Variants in RALA observed in about 807,000 individuals in gnomAD.
RALA encodes RAS like proto-oncogene A.
RALA carries 5 observed loss-of-function variants against 24.0 expected under a neutral mutation model. The ratio of observed to expected loss-of-function variants is 0.21; its 90% confidence interval spans 0.11 to 0.44. The LOEUF is 0.44. RALA is among the 20% of genes least tolerant of loss of function. The pLI is 0.99. For synonymous variants in RALA, 77 were observed against 83.8 expected (o/e 0.92, Z 0.44); for missense variants, 95 against 241.2 (o/e 0.39, Z 4.01).
chr7:39,659,814 C>G (rs1395812728), intron 1 of RALA, among the ~76,000 whole-genome samples: 2 of 152,160 alleles, frequency 1.3e-5, no homozygotes, highest in Non-Finnish European at 2.9e-5. Flanking sequence ...AGCGTGTTCT[C>G]TCTAATTTGC....
At chr7:39,648,895 C>CA (rs1266013069) in intron 1 of RALA, among the ~76,000 whole-genome samples, 4 of 152,006 alleles carry the variant, frequency 2.6e-5, no homozygotes, top group Admixed American at 6.6e-5. Context: ...CCAGTATCTA[C>CA]AAAAAATACA....
chr7:39,668,525 G>A (rs948531068), intron 1 of RALA, among the ~76,000 whole-genome samples: 4 of 152,110 alleles, frequency 2.6e-5, no homozygotes, highest in Non-Finnish European at 5.9e-5. Flanking sequence ...AAGGCTGGGC[G>A]CAGTGACTCA....
intron 1 of RALA, among the ~76,000 whole-genome samples, chr7:39,635,147 C>T (rs1219772091): frequency 6.6e-6 from 1 of 152,042 alleles, no homozygotes; most frequent in East Asian, 1.9e-4. Context: ...TCCAGGAGTT[C>T]AACATGGCAA....
At chr7:39,684,870 T>A (rs557416106) in intron 1 of RALA, among the ~76,000 whole-genome samples, 19 of 152,326 alleles carry the variant, frequency 1.2e-4, no homozygotes, top group Non-Finnish European at 2.2e-4. Flanking sequence ...CTGCAAACAT[T>A]TGTGTATTCA....
intron 1 of RALA, among the ~76,000 whole-genome samples, chr7:39,680,746 A>G (rs2116050619): frequency 6.6e-6 from 1 of 152,214 alleles, no homozygotes; most frequent in Admixed American, 6.5e-5. Flanking sequence ...TTGTCCAAAC[A>G]CTACCTGTTG....
At chr7:39,674,186 C>T (rs1353382029) in intron 1 of RALA, among the ~76,000 whole-genome samples, 1 of 152,142 alleles carries the variant, frequency 6.6e-6, no homozygotes, top group African/African-American at 2.4e-5. Flanking sequence ...CTCAAACCAT[C>T]CTCCTACCTT....
At chr7:39,662,001 G>A (rs1053398968) in intron 1 of RALA, among the ~76,000 whole-genome samples, 10 of 152,190 alleles carry the variant, frequency 6.6e-5, no homozygotes, top group African/African-American at 2.2e-4. Flanking sequence ...TCAACAACAC[G>A]TGGAAGCAGC....
At chr7:39,691,580 G>A (rs1056213589) in intron 3 of RALA, among the ~76,000 whole-genome samples, 14 of 152,264 alleles carry the variant, frequency 9.2e-5, no homozygotes, top group Admixed American at 5.9e-4. Flanking sequence ...AGGAAAGAGG[G>A]CATTTCAGGT....
chr7:39,671,519 A>G (rs558996582), intron 1 of RALA, among the ~76,000 whole-genome samples: 2 of 152,280 alleles, frequency 1.3e-5, no homozygotes, highest in African/African-American at 4.8e-5. Context: ...TTATTGAATA[A>G]TTATTTAGGC....
At position 39,643,653 on chromosome 7, in the gene RALA, C is replaced by A. The variant is rs577419965; in HGVS notation, c.-38+19828C>A. ...GGCGGATCACTTGAGGTCAGGAGTT[C>A]GAGACCAGCCCGGCCTACATATCAA... On this transcript the variant is annotated intron_variant, in intron 1 of 4. Transcript: ENST00000005257. Among the ~76,000 whole-genome samples the A allele has an allele frequency of 2.8e-4, 42 of 151,092 alleles. No individual in the cohort carries two copies. In the South Asian group the frequency reaches 7.4e-3, roughly 27 times the overall value.
At chr7:39,700,540 A>C (rs1213006317) in intron 4 of RALA, 1 of 152,276 alleles carries the variant, frequency 6.6e-6, no homozygotes, top group Non-Finnish European at 1.5e-5. Flanking sequence ...ACCAGGCAGA[A>C]ACCATACGGC....
intron 1 of RALA, among the ~76,000 whole-genome samples, chr7:39,640,890 A>AT (rs1252085556): frequency 1.3e-5 from 2 of 152,074 alleles, no homozygotes; most frequent in Admixed American, 1.3e-4. Flanking sequence ...GAATTTTGCC[A>AT]TTTTTTTCCT....
chr7:39,625,809 A>C (rs1252882900), intron 1 of RALA, among the ~76,000 whole-genome samples: 4 of 152,220 alleles, frequency 2.6e-5, no homozygotes, highest in Non-Finnish European at 5.9e-5. Flanking sequence ...AGGGAGGTTC[A>C]AATAAGAAGA....
At chr7:39,642,169 A>G (rs947549573) in intron 1 of RALA, among the ~76,000 whole-genome samples, 2 of 152,214 alleles carry the variant, frequency 1.3e-5, no homozygotes, top group African/African-American at 4.8e-5. Context: ...GCAGCATACA[A>G]CAAGTGGGAG....
intron 1 of RALA, among the ~76,000 whole-genome samples, chr7:39,651,761 T>C (rs543353723): frequency 1.3e-5 from 2 of 152,312 alleles, no homozygotes; most frequent in East Asian, 3.9e-4. Flanking sequence ...CAAAATAAAG[T>C]TAATATATAA....
chr7:39,640,843 T>G (rs374577131), intron 1 of RALA, among the ~76,000 whole-genome samples: 1 of 152,252 alleles, frequency 6.6e-6, no homozygotes, highest in Admixed American at 6.5e-5. Flanking sequence ...TAGGACTCTT[T>G]CAGTTGTAAG....
At chr7:39,686,603 G>A (rs891951486) in intron 1 of RALA, 28 bp from the exon 2 acceptor site, 25 of 1,227,552 alleles carry the variant, frequency 2.0e-5, no homozygotes, top group South Asian at 1.9e-4. Context: ...AATGTACTGA[G>A]CATTACTTAT....
intron 1 of RALA, among the ~76,000 whole-genome samples, chr7:39,632,608 A>C (rs1163095753): frequency 6.6e-6 from 1 of 152,166 alleles, no homozygotes; most frequent in African/African-American, 2.4e-5. Flanking sequence ...GCTTGAGCTC[A>C]TGAGTTTGAG....
Position 39,645,287 on chromosome 7 carries a change from T to C in RALA, c.-38+21462T>C, listed in dbSNP as rs57551664. Among the ~76,000 whole-genome samples the C allele has an allele frequency of 7.8e-3, 1,181 of 152,254 alleles. 14 individuals carry two copies. Among genetic ancestry groups the C allele is most frequent in the African/African-American group, 0.026 (1,068 of 41,540 alleles). ...TGTTATATTAGTCAATAAACCTATT[T>C]TGTAAATCCTGTGTGACAGTGTGGG... On this transcript the variant is annotated intron_variant, in intron 1 of 4. Coordinates refer to ENST00000005257, the MANE Select transcript of RALA (RefSeq NM_005402.4).
Sources: allele counts gnomAD v4.1 joint callset (sites outside exome capture counted in the v4.1 genomes callset), GRCh38; gene constraint gnomAD v4.1.1; transcripts MANE v1.5; gene names NCBI Gene and HGNC (gene_info 2026-07-23, HGNC 2026-07-21).